Variants in CEP170 observed in about 807,000 individuals in gnomAD.
CEP170 encodes centrosomal protein of 170 kDa.
CEP170 carries 21 observed loss-of-function variants against 151.9 expected under a neutral mutation model. The observed-to-expected ratio is 0.14, with a 90% CI of 0.10 to 0.20. CEP170 has a LOEUF of 0.20. CEP170 is among the 10% of genes least tolerant of loss of function. The pLI is 1.00. For synonymous variants in CEP170, 356 were observed against 648.8 expected (o/e 0.55, Z 6.86); for missense variants, 964 against 1,892.9 (o/e 0.51, Z 9.11).
intron 7 of CEP170, among the ~76,000 whole-genome samples, chr1:243,198,065 A>T: frequency 6.6e-6 from 1 of 152,100 alleles, no homozygotes; most frequent in Non-Finnish European, 1.5e-5. Context: ...ATTAGGGTGA[A>T]AAGTAGAAAA....
rs1572269369 is a variant in CEP170, at chr1:243,205,405, G to A, written c.275-4570C>T. Among the ~76,000 whole-genome samples the A allele has an allele frequency of 3.3e-5, 5 of 152,278 alleles. No homozygotes were observed. In the South Asian group the frequency reaches 6.2e-4, roughly 19 times the overall value. ...AAATCTTTCAGGTTTTTCAGGCCAC[G>A]TGATCTCTGCTTCAGCTACTCAACT... On this transcript the variant is annotated intron_variant, in intron 4 of 19. Coordinates refer to ENST00000366542, the MANE Select transcript of CEP170 (RefSeq NM_014812.3).
At chr1:243,157,450 C>T (rs2057662991) in intron 13 of CEP170, among the ~76,000 whole-genome samples, 1 of 152,064 alleles carries the variant, frequency 6.6e-6, no homozygotes, top group Non-Finnish European at 1.5e-5. Context: ...CTGTTTAATC[C>T]AATAATGTAT....
At chr1:243,133,240 T>G (rs1450133835) in intron 17 of CEP170, among the ~76,000 whole-genome samples, 1 of 152,144 alleles carries the variant, frequency 6.6e-6, no homozygotes, top group Non-Finnish European at 1.5e-5. Flanking sequence ...ATCCTATATT[T>G]CCCTTAACAC....
At chr1:243,212,345 G>A (rs907188838) in intron 3 of CEP170, among the ~76,000 whole-genome samples, 1 of 152,140 alleles carries the variant, frequency 6.6e-6, no homozygotes, top group African/African-American at 2.4e-5. Flanking sequence ...TTCTGTCTAT[G>A]TGTAAGCATT....
intron 11 of CEP170, among the ~76,000 whole-genome samples, chr1:243,171,955 A>G (rs1010539565): frequency 1.3e-5 from 2 of 152,202 alleles, no homozygotes; most frequent in African/African-American, 2.4e-5. Context: ...TTAATTTCAT[A>G]TTATTCTAAT....
intron 10 of CEP170, among the ~76,000 whole-genome samples, chr1:243,176,531 C>T (rs567675622): frequency 6.8e-6 from 1 of 147,612 alleles, no homozygotes; most frequent in Admixed American, 6.9e-5. Context: ...GCCTTTAGGT[C>T]TGGGGTAAGA....
At chr1:243,221,499 A>ATAAGCAG (rs2062815796) in intron 3 of CEP170, 1 of 486,412 alleles carries the variant, frequency 2.1e-6, no homozygotes. Flanking sequence ...CATCACAGAC[A>ATAAGCAG]ATGACAACCA....
intron 2 of CEP170, among the ~76,000 whole-genome samples, chr1:243,224,892 G>A (rs1452306274): frequency 1.3e-5 from 2 of 152,112 alleles, no homozygotes; most frequent in African/African-American, 4.8e-5. Context: ...TCCATGCTAT[G>A]CTGATTTTTG....
chr1:243,242,976 A>T (rs1171975498), intron 1 of CEP170, among the ~76,000 whole-genome samples: 3 of 152,262 alleles, frequency 2.0e-5, no homozygotes, highest in Non-Finnish European at 4.4e-5. Context: ...CTAGCTTTAC[A>T]GGCATAAGCC....
chr1:243,207,171 C>T (rs1483902264), intron 4 of CEP170, among the ~76,000 whole-genome samples: 1 of 152,000 alleles, frequency 6.6e-6, no homozygotes, highest in Non-Finnish European at 1.5e-5. Flanking sequence ...CTATATGCTG[C>T]CTACTTTACA....
intron 10 of CEP170, among the ~76,000 whole-genome samples, chr1:243,181,654 C>T (rs1478030660): frequency 1.3e-5 from 2 of 152,096 alleles, no homozygotes; most frequent in African/African-American, 4.8e-5. Flanking sequence ...CTTCTTTAGC[C>T]CAAGAATTAC....
chr1:243,213,919 C>T (rs2062032838), intron 3 of CEP170, among the ~76,000 whole-genome samples: 1 of 152,162 alleles, frequency 6.6e-6, no homozygotes, highest in African/African-American at 2.4e-5. Flanking sequence ...CTATGTCACC[C>T]AGGCTGGTCT....
At chr1:243,250,966 T>C (rs985814538) in intron 1 of CEP170, among the ~76,000 whole-genome samples, 1 of 152,188 alleles carries the variant, frequency 6.6e-6, no homozygotes, top group Non-Finnish European at 1.5e-5. Context: ...ACAAAACTGA[T>C]TGAATCCAGC....
Position 243,225,231 on chromosome 1 carries a change from C to A in CEP170, c.50G>T (p.Arg17Met). 1 of 1,599,924 alleles carries A rather than the reference C, an allele frequency of 6.3e-7. No homozygotes were observed. Among genetic ancestry groups the A allele is most frequent in the Non-Finnish European group, 8.5e-7 (1 of 1,173,966 alleles). The change falls in exon 2 of 20, where the codon AGG (arginine) becomes ATG (methionine). Residue 17 changes from arginine (R) to methionine (M), a missense_variant. Transcript: ENST00000366542. Reference sequence around the variant, plus strand: ...AACAAAAATCATTTCTCGTGGCAGCCTGTGGCGAGTGCCTCCACTGCTCAC... The same window carrying A: ...AACAAAAATCATTTCTCGTGGCAGCATGTGGCGAGTGCCTCCACTGCTCAC... The part of the protein sequence containing the change: ...FLVSSGGTRH[R>M]LPREMIFVGR...
chr1:243,183,231 A>C (rs2059745111), intron 10 of CEP170, among the ~76,000 whole-genome samples: 1 of 152,190 alleles, frequency 6.6e-6, no homozygotes, highest in Non-Finnish European at 1.5e-5. Context: ...GTTGCTAAAT[A>C]AATGAATCAA....
At chr1:243,243,605 C>T (rs1157244978) in intron 1 of CEP170, among the ~76,000 whole-genome samples, 1 of 151,952 alleles carries the variant, frequency 6.6e-6, no homozygotes, top group Non-Finnish European at 1.5e-5. Flanking sequence ...CTCACTGCAA[C>T]CTCTGCCTCC....
intron 13 of CEP170, among the ~76,000 whole-genome samples, chr1:243,157,986 C>T (rs542657863): frequency 1.3e-5 from 2 of 152,208 alleles, no homozygotes; most frequent in Non-Finnish European, 2.9e-5. Flanking sequence ...TAGTCATAGA[C>T]CTTTTTTGAG....
At chr1:243,232,497 A>G (rs571618515) in intron 1 of CEP170, among the ~76,000 whole-genome samples, 229 of 152,310 alleles carry the variant, frequency 1.5e-3, no homozygotes, top group Non-Finnish European at 2.7e-3. Context: ...TTGTTCAAAC[A>G]TTATGCTACA....
chr1:243,145,597 G>A (rs546296754), intron 14 of CEP170, among the ~76,000 whole-genome samples: 2 of 152,264 alleles, frequency 1.3e-5, no homozygotes, highest in South Asian at 4.1e-4. Context: ...TTTTTTGATA[G>A]CACATTCATT....
Sources: allele counts gnomAD v4.1 joint callset (sites outside exome capture counted in the v4.1 genomes callset), GRCh38; gene constraint gnomAD v4.1.1; transcripts MANE v1.5; gene names NCBI Gene and HGNC (gene_info 2026-07-23, HGNC 2026-07-21).